Variants in EYA4 observed in about 807,000 individuals in gnomAD.
EYA4 encodes protein phosphatase EYA4.
Under a neutral mutation model 87.9 loss-of-function variants are expected in EYA4, and 31 were observed. That is an observed-to-expected ratio of 0.35 (90% CI 0.27 to 0.48). The LOEUF is 0.48. EYA4 is among the 20% of genes least tolerant of loss of function. The probability of loss-of-function intolerance (pLI) is 0.99; values close to 1 mark genes in which losing one functional copy is unlikely to be tolerated. For synonymous variants in EYA4, 263 were observed against 270.6 expected (o/e 0.97, Z 0.28); for missense variants, 678 against 761.4 (o/e 0.89, Z 1.29).
intron 3 of EYA4, among the ~76,000 whole-genome samples, chr6:133,387,791 T>C (rs1786880141): frequency 1.3e-5 from 2 of 152,200 alleles, no homozygotes; most frequent in Admixed American, 1.3e-4. Flanking sequence ...TTCTTCCCAA[T>C]TTGGAAAGTG....
chr6:133,474,920 T>C (rs1479671765), intron 11 of EYA4, among the ~76,000 whole-genome samples: 2 of 152,128 alleles, frequency 1.3e-5, no homozygotes. Context: ...AAACATACCT[T>C]ATGTTCAATA....
intron 2 of EYA4, among the ~76,000 whole-genome samples, chr6:133,363,679 G>A (rs1784635558): frequency 6.6e-6 from 1 of 152,012 alleles, no homozygotes; most frequent in Admixed American, 6.6e-5. Flanking sequence ...GTTTCACTGT[G>A]TTAGCCAGGA....
intron 2 of EYA4, among the ~76,000 whole-genome samples, chr6:133,275,094 A>G (rs1027428743): frequency 6.6e-6 from 1 of 152,164 alleles, no homozygotes; most frequent in Non-Finnish European, 1.5e-5. Context: ...TAGACAGTCT[A>G]AACAATTTTA....
At chr6:133,456,236 G>A (rs1267148998) in intron 5 of EYA4, among the ~76,000 whole-genome samples, 1 of 152,166 alleles carries the variant, frequency 6.6e-6, no homozygotes, top group East Asian at 1.9e-4. Flanking sequence ...GAAGACTGAT[G>A]ATGATTCCTT....
At chr6:133,243,170 T>C (rs1774114168) in intron 1 of EYA4, among the ~76,000 whole-genome samples, 1 of 151,782 alleles carries the variant, frequency 6.6e-6, no homozygotes, top group African/African-American at 2.4e-5. Context: ...TCAAACCCAG[T>C]GGGCCGTTGG....
chr6:133,416,867 C>A (rs1020469337), intron 3 of EYA4, among the ~76,000 whole-genome samples: 3 of 152,098 alleles, frequency 2.0e-5, no homozygotes, highest in Non-Finnish European at 4.4e-5. Flanking sequence ...AGCGTTCAAA[C>A]GGAATGTTCT....
At chr6:133,495,993 T>C (rs1225922602) in intron 13 of EYA4, among the ~76,000 whole-genome samples, 1 of 152,232 alleles carries the variant, frequency 6.6e-6, no homozygotes, top group Non-Finnish European at 1.5e-5. Context: ...TTACATTTTA[T>C]AGCCATTCAA....
chr6:133,461,830 A>G, intron 7 of EYA4, among the ~76,000 whole-genome samples: 1 of 144,512 alleles, frequency 6.9e-6, no homozygotes, highest in Admixed American at 6.9e-5. Flanking sequence ...TTTTTTTTTA[A>G]GGAAGCTTCC....
Position 133,431,108 on chromosome 6 carries a change from C to T in EYA4, c.84-15522C>T, listed in dbSNP as rs576233945. On this transcript the variant is annotated intron_variant, in intron 3 of 19. Coordinates refer to ENST00000355286, the MANE Select transcript of EYA4 (RefSeq NM_004100.5). ...TGTGTTTGACAAACAGCAGGTTAGA[C>T]TGGGGAGATGGGATGTAGGGAATTG... 7.9e-5 allele frequency among the ~76,000 whole-genome samples: 12 copies of T among 152,168 alleles called. No homozygotes were observed. The South Asian group carries it at 1.0e-3, about 13-fold the overall frequency.
chr6:133,298,431 G>A (rs1779110056), intron 2 of EYA4, among the ~76,000 whole-genome samples: 2 of 152,114 alleles, frequency 1.3e-5, no homozygotes, highest in African/African-American at 4.8e-5. Context: ...TTAGTGGAAA[G>A]AACAAGAAAA....
At chr6:133,399,018 A>C (rs1365565506) in intron 3 of EYA4, among the ~76,000 whole-genome samples, 1 of 152,162 alleles carries the variant, frequency 6.6e-6, no homozygotes, top group Non-Finnish European at 1.5e-5. Flanking sequence ...TTTTAGCTAA[A>C]TATATGCCTT....
At chr6:133,511,417 G>A (rs1011549696) in intron 14 of EYA4, among the ~76,000 whole-genome samples, 1 of 151,912 alleles carries the variant, frequency 6.6e-6, no homozygotes, top group Non-Finnish European at 1.5e-5. Context: ...GGAGGCCCAA[G>A]ATGCTAAACC....
intron 1 of EYA4, among the ~76,000 whole-genome samples, chr6:133,270,199 G>A (rs1776572801): frequency 6.6e-6 from 1 of 152,120 alleles, no homozygotes; most frequent in South Asian, 2.1e-4. Context: ...TTGACATTCA[G>A]TATTAACCAT....
chr6:133,466,845 G>A (rs1262345225), intron 10 of EYA4, among the ~76,000 whole-genome samples: 1 of 151,894 alleles, frequency 6.6e-6, no homozygotes, highest in African/African-American at 2.4e-5. Flanking sequence ...GCAGAGATAG[G>A]CGGGGGCCTG....
chr6:133,504,899 C>T (rs1798458013), intron 13 of EYA4, among the ~76,000 whole-genome samples: 1 of 152,178 alleles, frequency 6.6e-6, no homozygotes, highest in Admixed American at 6.5e-5. Flanking sequence ...ACGTTGAAAA[C>T]ACAATTTCGG....
At position 133,530,402 on chromosome 6, in the gene EYA4, C is replaced by T; in HGVS notation, c.*1597C>T. 3 of 985,328 alleles carry T rather than the reference C, an allele frequency of 3.0e-6. No individual in the cohort carries two copies. Among genetic ancestry groups the T allele is most frequent in the Non-Finnish European group, 3.6e-6 (3 of 829,840 alleles). 61.0% of individuals were successfully genotyped at this position (985,328 alleles called of 1,614,324 possible). ...CAGGTTCTCCTCTTATTTCCTATGACACGATTTCCCTTGTGGAAATTTAAG... is the reference window on the plus strand; with the variant it reads ...CAGGTTCTCCTCTTATTTCCTATGATACGATTTCCCTTGTGGAAATTTAAG... On this transcript the variant is annotated 3_prime_UTR_variant, in exon 20 of 20. Transcript: ENST00000355286.
chr6:133,295,369 C>T (rs1778869297), intron 2 of EYA4, among the ~76,000 whole-genome samples: 1 of 152,202 alleles, frequency 6.6e-6, no homozygotes. Flanking sequence ...GGACAACTGT[C>T]ATTCTTATGT....
In EYA4 at chr6:133,321,015, T is replaced by C. The variant is rs117713185; in HGVS notation, c.33+46202T>C. Reference sequence around the variant, plus strand: ...GGACATAACAGTCTAGATTACAAATTGTTTTCTTCTCGGCACTTCAAAGAT... The same window carrying C: ...GGACATAACAGTCTAGATTACAAATCGTTTTCTTCTCGGCACTTCAAAGAT... On this transcript the variant is annotated intron_variant, in intron 2 of 19. Coordinates refer to ENST00000355286, the MANE Select transcript of EYA4 (RefSeq NM_004100.5). 6.9e-4 allele frequency among the ~76,000 whole-genome samples: 105 copies of C among 152,294 alleles called. No individual in the cohort carries two copies. In the East Asian group the frequency reaches 0.012, roughly 17 times the overall value.
At chr6:133,348,277 T>G (rs1272762048) in intron 2 of EYA4, among the ~76,000 whole-genome samples, 1 of 131,622 alleles carries the variant, frequency 7.6e-6, no homozygotes, top group Non-Finnish European at 1.6e-5. Flanking sequence ...TTTTTTTTTT[T>G]TTTTTTTTTT....
Sources: gnomAD v4.1 joint callset for allele counts (sites outside exome capture counted in the v4.1 genomes callset) on GRCh38, gnomAD v4.1.1 for gene constraint, MANE v1.5 for transcripts, NCBI Gene and HGNC (gene_info 2026-07-23, HGNC 2026-07-21) for gene names.